Variants in SYT14 observed in about 807,000 individuals in gnomAD.
SYT14 encodes synaptotagmin 14.
In SYT14, 32 loss-of-function variants were observed where a neutral mutation model predicts 74.2. The observed-to-expected ratio is 0.43, with a 90% CI of 0.33 to 0.58. SYT14 has a LOEUF of 0.58. Among genes scored for constraint, SYT14 ranks in the 20% least tolerant of loss-of-function variants. SYT14 has a pLI of 0.05. For synonymous variants in SYT14, 298 were observed against 337.7 expected (o/e 0.88, Z 1.29); for missense variants, 791 against 981.8 (o/e 0.81, Z 2.60).
At chr1:209,971,257 C>T (rs1020040694) in intron 2 of SYT14, among the ~76,000 whole-genome samples, 13 of 152,058 alleles carry the variant, frequency 8.5e-5, no homozygotes, top group African/African-American at 3.1e-4. Flanking sequence ...TTACTGAAGT[C>T]GTTTATCAGT....
At chr1:210,097,729 A>C (rs2081991264) in intron 6 of SYT14, among the ~76,000 whole-genome samples, 1 of 152,230 alleles carries the variant, frequency 6.6e-6, no homozygotes, top group Non-Finnish European at 1.5e-5. Flanking sequence ...TCTAAACCGT[A>C]AATTTTTTAA....
rs141976150 is a variant in SYT14 at position 210,061,184 on chromosome 1, C to T, written c.1313-33138C>T. 9.2e-3 allele frequency among the ~76,000 whole-genome samples: 1,403 copies of T among 151,886 alleles called. 19 individuals are homozygous for T. The highest frequency in any genetic ancestry group is 0.012 in the Non-Finnish European group (823 of 67,840). ...TATTACTACACCTTGACATTAATGG[C>T]CTGTCATTGTAGAGGATATTATGTT... On this transcript the variant is annotated intron_variant, in intron 5 of 9. Transcript: ENST00000637265.
At chr1:210,080,794 A>T (rs147584259) in intron 5 of SYT14, among the ~76,000 whole-genome samples, 238 of 152,330 alleles carry the variant, frequency 1.6e-3, no homozygotes, top group African/African-American at 5.6e-3. Flanking sequence ...GTGCTGTAGA[A>T]ATAAGTACTT....
At chr1:209,940,237 A>C (rs1199264019) in intron 1 of SYT14, among the ~76,000 whole-genome samples, 1 of 152,336 alleles carries the variant, frequency 6.6e-6, no homozygotes, top group East Asian at 1.9e-4. Context: ...ATGAAGTAGA[A>C]TGAGTTCTGC....
chr1:210,155,028 T>TGAC (rs1287975047), intron 7 of SYT14, among the ~76,000 whole-genome samples: 6 of 152,224 alleles, frequency 3.9e-5, no homozygotes, highest in African/African-American at 1.4e-4. Flanking sequence ...TATGGATGTC[T>TGAC]GTGTTTCTCT....
intron 1 of SYT14, among the ~76,000 whole-genome samples, chr1:209,951,953 CAG>C (rs566744184): frequency 6.6e-6 from 1 of 152,194 alleles, no homozygotes; most frequent in South Asian, 2.1e-4. Context: ...TGATAGCACT[CAG>C]GGGATTAGGT....
exon 10 of SYT14, chr1:210,162,353 T>C (rs2083389798): frequency 4.5e-6 from 2 of 444,026 alleles, no homozygotes; most frequent in African/African-American, 4.0e-5. Context: ...CTTTATTTCC[T>C]CTGAAGTATG....
intron 7 of SYT14, among the ~76,000 whole-genome samples, chr1:210,133,956 C>G: frequency 6.6e-6 from 1 of 151,090 alleles, no homozygotes; most frequent in Non-Finnish European, 1.5e-5. Context: ...GCTAAAGTTT[C>G]ATTTGTATAG....
chr1:210,053,196 T>G (rs2081035247), intron 5 of SYT14, among the ~76,000 whole-genome samples: 1 of 152,226 alleles, frequency 6.6e-6, no homozygotes, highest in African/African-American at 2.4e-5. Context: ...TGGTTTTTTA[T>G]TACAGTGAAT....
chr1:210,071,805 G>T (rs1392162908), intron 5 of SYT14, among the ~76,000 whole-genome samples: 1 of 151,910 alleles, frequency 6.6e-6, no homozygotes, highest in Non-Finnish European at 1.5e-5. Flanking sequence ...ATTCCATTTT[G>T]CAGTGATGTT....
intron 2 of SYT14, among the ~76,000 whole-genome samples, chr1:209,998,177 A>G (rs1187250477): frequency 2.0e-5 from 3 of 152,068 alleles, no homozygotes. Context: ...GTAGCTGAAA[A>G]AGGCCAAGAA....
chr1:210,101,968 AT>A (rs2082075688), intron 7 of SYT14, among the ~76,000 whole-genome samples: 2 of 152,300 alleles, frequency 1.3e-5, no homozygotes, highest in African/African-American at 2.4e-5. Context: ...AAACTAAGCA[AT>A]TTTTTAATGG....
At chr1:209,953,227 A>C in intron 2 of SYT14, 1 of 1,287,298 alleles carries the variant, frequency 7.8e-7, no homozygotes, top group Non-Finnish European at 1.0e-6. Flanking sequence ...CCACCTGACA[A>C]CTGGGTGGTT....
chr1:210,037,113 T>G (rs190986277), intron 5 of SYT14, among the ~76,000 whole-genome samples: 8 of 152,156 alleles, frequency 5.3e-5, no homozygotes, highest in Admixed American at 5.2e-4. Flanking sequence ...TCACCACTCA[T>G]TATTGGTCTG....
intron 6 of SYT14, among the ~76,000 whole-genome samples, chr1:210,098,686 G>GTT (rs201322057): frequency 1.4e-4 from 20 of 144,936 alleles, no homozygotes; most frequent in Non-Finnish European, 1.8e-4. Context: ...TGTGGACAGT[G>GTT]TTTTTTTTTT....
chr1:209,940,824 A>G (rs1342816874), intron 1 of SYT14, among the ~76,000 whole-genome samples: 1 of 152,202 alleles, frequency 6.6e-6, no homozygotes, highest in East Asian at 1.9e-4. Context: ...AAAATTTGGA[A>G]TATAGTAGTG....
At chr1:210,008,364 G>T (rs980137707) in intron 2 of SYT14, among the ~76,000 whole-genome samples, 3 of 131,284 alleles carry the variant, frequency 2.3e-5, no homozygotes, top group Admixed American at 7.2e-5. Context: ...CTTTTAAATA[G>T]AATTTTTTTT....
chr1:210,026,487 C>CT (rs2080414221), intron 5 of SYT14, among the ~76,000 whole-genome samples: 1 of 151,866 alleles, frequency 6.6e-6, no homozygotes, highest in Non-Finnish European at 1.5e-5. Context: ...CGTAGCTATA[C>CT]TTATGTATTA....
chr1:210,076,158 T>C (rs2102462851), intron 5 of SYT14, among the ~76,000 whole-genome samples: 2 of 152,298 alleles, frequency 1.3e-5, no homozygotes, highest in Middle Eastern at 6.8e-3. Flanking sequence ...AGGAGAGTTT[T>C]ATTGAGATAC....
Sources: allele counts gnomAD v4.1 joint callset (sites outside exome capture counted in the v4.1 genomes callset), GRCh38; gene constraint gnomAD v4.1.1; transcripts MANE v1.5; gene names NCBI Gene and HGNC (gene_info 2026-07-23, HGNC 2026-07-21).